The following NAALADL2 variants were observed in gnomAD, a reference collection of about 807,000 sequenced individuals.
NAALADL2 encodes the protein N-acetylated alpha-linked acidic dipeptidase like 2, also known as inactive N-acetylated-alpha-linked acidic dipeptidase-like protein 2.
NAALADL2 carries 76 observed loss-of-function variants against 87.2 expected under a neutral mutation model. The observed-to-expected ratio is 0.87, with a 90% confidence interval of 0.72 to 1.05. NAALADL2 has a LOEUF of 1.05. NAALADL2 is among the 50% of genes least tolerant of loss of function. NAALADL2 has a pLI of 0.00. For missense variants in NAALADL2, 1,089 were observed against 945.8 expected, an observed-to-expected ratio of 1.15 and a Z score of -1.99; for synonymous variants, 354 against 331.0, an observed-to-expected ratio of 1.07 and a Z score of -0.75.
chr3:174,989,482 C>A lies in NAALADL2; in HGVS notation c.44-107308C>A, dbSNP rs894448248. 3.3e-5 allele frequency among the ~76,000 whole-genome samples: 5 copies of A among 152,070 alleles called. No individual in the cohort carries two copies. In the South Asian group the frequency reaches 1.0e-3, roughly 32 times the overall value. On this transcript the variant is annotated intron_variant, in intron 1 of 13. Coordinates refer to ENST00000454872, the MANE Select transcript of NAALADL2 (RefSeq NM_207015.3). ...AGAAGGAAGAAAATATTGTAATGAACAATTAGTTGGAAAAAATCACATATG... is the reference window on the plus strand; with the variant it reads ...AGAAGGAAGAAAATATTGTAATGAAAAATTAGTTGGAAAAAATCACATATG...
intron 12 of NAALADL2, among the ~76,000 whole-genome samples, chr3:175,754,475 A>G (rs1208233375): frequency 6.6e-6 from 1 of 152,208 alleles, no homozygotes; most frequent in Non-Finnish European, 1.5e-5. Flanking sequence ...CCTCCAAACT[A>G]AAACAAAACA....
At chr3:174,641,941 T>G (rs1436320271) in intron 2 of NAALADL2, among the ~76,000 whole-genome samples, 1 of 152,082 alleles carries the variant, frequency 6.6e-6, no homozygotes, top group Non-Finnish European at 1.5e-5. Context: ...ATTTCTTTTT[T>G]AGAGACAAGG....
chr3:175,662,732 C>T (rs572859903), intron 11 of NAALADL2, among the ~76,000 whole-genome samples: 1 of 152,068 alleles, frequency 6.6e-6, no homozygotes, highest in African/African-American at 2.4e-5. Context: ...AATGCTTTAT[C>T]AGCATCTATT....
intron 2 of NAALADL2, among the ~76,000 whole-genome samples, chr3:174,610,270 C>G (rs1719675530): frequency 6.6e-6 from 1 of 152,000 alleles, no homozygotes; most frequent in Non-Finnish European, 1.5e-5. Flanking sequence ...GACTTCATGT[C>G]TCAAACACCA....
intron 2 of NAALADL2, among the ~76,000 whole-genome samples, chr3:174,589,662 T>C (rs115982360): frequency 5.3e-5 from 8 of 152,342 alleles, no homozygotes; most frequent in Admixed American, 2.6e-4. Flanking sequence ...GAAGATTTTA[T>C]ACCAAGCTGT....
chr3:175,118,094 A>T (rs145474909), intron 2 of NAALADL2, among the ~76,000 whole-genome samples: 3,107 of 144,780 alleles, frequency 0.021, 52 homozygotes, highest in Admixed American at 0.033. Flanking sequence ...GATGGGGAAC[A>T]TCACACACTG....
chr3:175,237,665 T>C (rs1297000576), intron 3 of NAALADL2, among the ~76,000 whole-genome samples: 5 of 152,186 alleles, frequency 3.3e-5, no homozygotes, highest in African/African-American at 9.6e-5. Flanking sequence ...TTTCACTTAC[T>C]TTTTCTTGTC....
intron 1 of NAALADL2, among the ~76,000 whole-genome samples, chr3:175,093,079 C>T (rs1720446480): frequency 1.3e-5 from 2 of 151,726 alleles, no homozygotes; most frequent in Admixed American, 1.3e-4. Flanking sequence ...TTAACACTCA[C>T]ATGGGGTAAT....
At chr3:174,795,918 C>A (rs979217670) in intron 3 of NAALADL2, among the ~76,000 whole-genome samples, 2 of 152,148 alleles carry the variant, frequency 1.3e-5, no homozygotes, top group Non-Finnish European at 2.9e-5. Context: ...CTATTTATAT[C>A]TGCATACACA....
intron 11 of NAALADL2, among the ~76,000 whole-genome samples, chr3:175,661,223 G>T (rs2149812267): frequency 6.6e-6 from 1 of 151,990 alleles, no homozygotes; most frequent in East Asian, 1.9e-4. Context: ...TTGTGATTTT[G>T]ATTTGCATTT....
At chr3:175,185,698 AT>A (rs906475338) in intron 2 of NAALADL2, among the ~76,000 whole-genome samples, 1 of 151,006 alleles carries the variant, frequency 6.6e-6, no homozygotes, top group African/African-American at 2.4e-5. Flanking sequence ...TTAAGCTAGT[AT>A]TTTTTGTATA....
chr3:174,532,585 T>C (rs901831584), intron 1 of NAALADL2, among the ~76,000 whole-genome samples: 3 of 152,136 alleles, frequency 2.0e-5, no homozygotes, highest in African/African-American at 7.2e-5. Context: ...GCTTATAGAA[T>C]AGTGAGGGAG....
intron 2 of NAALADL2, among the ~76,000 whole-genome samples, chr3:174,665,529 G>A (rs892815969): frequency 6.6e-6 from 1 of 152,114 alleles, no homozygotes; most frequent in South Asian, 2.1e-4. Flanking sequence ...AGTTTCACAG[G>A]AGAAAATGGA....
intron 9 of NAALADL2, among the ~76,000 whole-genome samples, chr3:175,500,989 T>C (rs1053204972): frequency 7.9e-5 from 12 of 152,156 alleles, no homozygotes; most frequent in African/African-American, 2.9e-4. Flanking sequence ...TGAATAAGAC[T>C]GATCAGAACA....
At chr3:175,061,278 C>T (rs1430081032) in intron 1 of NAALADL2, among the ~76,000 whole-genome samples, 6 of 152,072 alleles carry the variant, frequency 3.9e-5, no homozygotes, top group Non-Finnish European at 8.8e-5. Context: ...AATGGTCTTT[C>T]ATAAGTCAAT....
intron 9 of NAALADL2, among the ~76,000 whole-genome samples, chr3:175,573,400 T>C (rs1297604500): frequency 2.0e-5 from 3 of 152,196 alleles, no homozygotes; most frequent in African/African-American, 7.2e-5. Flanking sequence ...ATATCCTCAT[T>C]AATGACATAA....
intron 3 of NAALADL2, among the ~76,000 whole-genome samples, chr3:174,820,470 TGTA>T (rs1159463583): frequency 6.6e-6 from 1 of 152,156 alleles, no homozygotes; most frequent in Non-Finnish European, 1.5e-5. Context: ...TATATACAAT[TGTA>T]GTGGTCCTAT....
At chr3:174,480,279 G>T (rs1474804180) in intron 1 of NAALADL2, among the ~76,000 whole-genome samples, 1 of 152,110 alleles carries the variant, frequency 6.6e-6, no homozygotes, top group African/African-American at 2.4e-5. Flanking sequence ...ATGGGAGTTG[G>T]TGGTAGAAAT....
chr3:175,477,419 C>A (rs1464187385), intron 9 of NAALADL2, among the ~76,000 whole-genome samples: 1 of 152,052 alleles, frequency 6.6e-6, no homozygotes, highest in African/African-American at 2.4e-5. Flanking sequence ...AATTATAGAA[C>A]TTCTTTATTT....
Sources: allele counts gnomAD v4.1 joint callset (sites outside exome capture counted in the v4.1 genomes callset), GRCh38; gene constraint gnomAD v4.1.1; transcripts MANE v1.5; gene names NCBI Gene and HGNC (gene_info 2026-07-23, HGNC 2026-07-21).